Variants in CFAP47 observed in about 807,000 individuals in gnomAD.
CFAP47 encodes cilia and flagella associated protein 47.
A neutral mutation model predicts 148.1 loss-of-function variants in CFAP47; 29 were observed. The observed-to-expected ratio is 0.20, with a 90% confidence interval of 0.15 to 0.27. The LOEUF is 0.27. CFAP47 is among the 10% of genes least tolerant of loss of function. The pLI is 1.00. For synonymous variants in CFAP47, 664 were observed against 577.3 expected (o/e 1.15, Z -2.15); for missense variants, 1,872 against 1,697.5 (o/e 1.10, Z -1.81).
At chrX:35,968,031 C>T (rs190251852) in intron 10 of CFAP47, among the ~76,000 whole-genome samples, 199 bp downstream of exon 10, 26 of 109,801 alleles carry the variant, frequency 2.4e-4, no homozygotes, top group African/African-American at 6.9e-4. Flanking sequence ...TGTTTGTTTT[C>T]GGTTAGAACC....
chrX:36,150,346 C>T (rs932778652), intron 37 of CFAP47, among the ~76,000 whole-genome samples: 3 of 111,948 alleles, frequency 2.7e-5, no homozygotes, highest in African/African-American at 9.7e-5. Context: ...GACATAAATA[C>T]TCTTGTTTAT....
Position 36,228,688 on chromosome X carries a change from C to T in CFAP47, c.6878C>T (p.Pro2293Leu), listed in dbSNP as rs1555991880. ...CTTCCTCTCCAATCTGGACGCTACC[C>T]TTGTAAAATTTTATTGAAATCAAGG... ...QFLPLQSGRY[P>L]CKILLKSRYD... is the part of the protein sequence containing the mutation. The change falls in exon 46 of 64, where the codon CCT becomes CTT. Residue 2293 changes from proline to leucine, a missense_variant. Physicochemically the swap from Pro to Leu is moderately conservative, Grantham distance 98. Coordinates refer to ENST00000378653, the MANE Select transcript of CFAP47 (RefSeq NM_001304548.2). The T allele has an allele frequency of 1.9e-6, 1 of 525,149 alleles. No individual in the cohort carries two copies. The highest frequency in any genetic ancestry group is 3.5e-6 in the Non-Finnish European group (1 of 286,341). 43.3% of individuals were successfully genotyped at this position (525,149 alleles called of 1,213,427 possible).
Position 36,149,228 on chromosome X carries a change from G to C in CFAP47, c.5786+5G>C. On this transcript the variant is annotated splice_donor_5th_base_variant and intron_variant, in intron 37 of 63. Transcript: ENST00000378653. The stretch of plus-strand genomic sequence containing the variant: ...TGTTGTGACAATTTCTCCAAGGTAA[G>C]TATTTTTTTTAATTTTACATTATCA... 3.4e-6 allele frequency: 1 copy of C among 292,813 alleles called. No individual in the cohort carries two copies. The highest frequency in any genetic ancestry group is 6.0e-6 in the Non-Finnish European group (1 of 167,759). 24.1% of individuals were successfully genotyped at this position (292,813 alleles called of 1,213,427 possible).
intron 1 of CFAP47, among the ~76,000 whole-genome samples, chrX:35,924,264 T>C (rs977079708): frequency 9.7e-6 from 1 of 102,621 alleles, no homozygotes; most frequent in African/African-American, 4.1e-5. Flanking sequence ...GACATGTATG[T>C]GTACATGTAT....
Position 35,960,380 on chromosome X carries a change from G to GAAAAAAAA in CFAP47, c.1410+4204_1410+4211dup, listed in dbSNP as rs1188987905. On this transcript the variant is annotated intron_variant, in intron 8 of 63. Coordinates refer to ENST00000378653, the MANE Select transcript of CFAP47 (RefSeq NM_001304548.2). ...CTTTAACATTAGCTTGCTAATTTCTGAAAAAAAAAAAAAAAAAAAAAAAAA... is the reference window on the plus strand; with the variant it reads ...CTTTAACATTAGCTTGCTAATTTCTGAAAAAAAAAAAAAAAAAAAAAAAAAAAAAAAAA... Among the ~76,000 whole-genome samples, 24 of 15,480 alleles carry GAAAAAAAA rather than the reference G, an allele frequency of 1.6e-3. 4 individuals carry two copies. Among genetic ancestry groups the GAAAAAAAA allele is most frequent in the East Asian group, 4.9e-3 (2 of 405 alleles). The allele number at this position is 15,480 out of a possible 115,157, so 13.4% of individuals were successfully genotyped here.
chrX:36,085,309 C>T lies in CFAP47; in HGVS notation c.4692-5C>T, dbSNP rs761346556. 11 of 1,130,728 alleles carry T rather than the reference C, an allele frequency of 9.7e-6. No homozygotes were observed. In the South Asian group the frequency reaches 2.1e-4, roughly 21 times the overall value. The allele number at this position is 1,130,728 out of a possible 1,213,427, so 93.2% of individuals were successfully genotyped here. ...TGTTTTTAATTTTAAGTCTTTTTCT[C>T]ATAGGGATGTATATAAAATGCAATT... On this transcript the variant is annotated splice_polypyrimidine_tract_variant and splice_region_variant and intron_variant, in intron 29 of 63. Transcript: ENST00000378653.
At chrX:36,374,953 C>T in intron 62 of CFAP47, 3 of 522,689 alleles carry the variant, frequency 5.7e-6, no homozygotes, top group Non-Finnish European at 1.0e-5. Flanking sequence ...CACATCAAAT[C>T]TGGGCTGATC....
chrX:36,310,524 C>CAGA (rs1556009738), intron 55 of CFAP47, among the ~76,000 whole-genome samples: 3 of 108,884 alleles, frequency 2.8e-5, no homozygotes, highest in African/African-American at 6.6e-5. Context: ...AAAACTTGAA[C>CAGA]AGAAGTGCCA....
At chrX:36,227,837 T>A (rs1412769598) in intron 45 of CFAP47, among the ~76,000 whole-genome samples, 1 of 112,132 alleles carries the variant, frequency 8.9e-6, no homozygotes, top group African/African-American at 3.2e-5. Flanking sequence ...CATTCTACTT[T>A]AGGGTTGCCA....
At chrX:36,285,311 A>T (rs6629067) in intron 50 of CFAP47, among the ~76,000 whole-genome samples, 39,219 of 110,772 alleles carry the variant, frequency 0.35, 7,716 homozygotes, top group African/African-American at 0.76. Context: ...ATTGGTTATT[A>T]CTTTTTGAAA....
chrX:36,129,537 C>T (rs928401680), intron 33 of CFAP47, among the ~76,000 whole-genome samples: 1 of 111,261 alleles, frequency 9.0e-6, no homozygotes, highest in African/African-American at 3.2e-5. Context: ...ACTACCTTTA[C>T]AAGCAAGATT....
chrX:36,063,852 A>C (rs1937614269), intron 26 of CFAP47, among the ~76,000 whole-genome samples: 1 of 111,968 alleles, frequency 8.9e-6, no homozygotes, highest in African/African-American at 3.2e-5. Flanking sequence ...CAAAATCTCA[A>C]CAGCAACCTA....
At chrX:36,094,513 G>A (rs1938240848) in intron 30 of CFAP47, among the ~76,000 whole-genome samples, 1 of 110,982 alleles carries the variant, frequency 9.0e-6, no homozygotes, top group African/African-American at 3.3e-5. Flanking sequence ...ACATGGAATA[G>A]CTCTCCATTT....
At chrX:36,100,772 T>C (rs1391888035) in intron 32 of CFAP47, among the ~76,000 whole-genome samples, 4 of 112,258 alleles carry the variant, frequency 3.6e-5, no homozygotes. Flanking sequence ...TTTTTTAATA[T>C]TAAATCCTCA....
rs5973566 is a variant in CFAP47 at position 36,054,899 on chromosome X, A to C, written c.4217+7836A>C. Among the ~76,000 whole-genome samples the C allele has an allele frequency of 4.0e-3, 436 of 109,263 alleles. 1 individual carries two copies. The highest frequency in any genetic ancestry group is 0.014 in the African/African-American group (419 of 29,953). 94.9% of individuals were successfully genotyped at this position (109,263 alleles called of 115,157 possible). ...GCCATTCTCCTGCCTCAGCTTCCCG[A>C]GTACCTGGGACTACAGGCGCCCGCC... On this transcript the variant is annotated intron_variant, in intron 26 of 63. Coordinates refer to ENST00000378653, the MANE Select transcript of CFAP47 (RefSeq NM_001304548.2).
intron 26 of CFAP47, among the ~76,000 whole-genome samples, chrX:36,064,528 A>G (rs1245725597): frequency 1.8e-5 from 2 of 112,048 alleles, no homozygotes; most frequent in Admixed American, 1.9e-4. Flanking sequence ...ATATATGTTT[A>G]CCATTAATTT....
chrX:36,310,711 C>A, intron 55 of CFAP47, 122 bp from the exon 56 acceptor site: 2 of 353,997 alleles, frequency 5.6e-6, no homozygotes, highest in Non-Finnish European at 9.5e-6. Context: ...TAAAACAATG[C>A]TTTTTAACAA....
intron 1 of CFAP47, among the ~76,000 whole-genome samples, 168 bp downstream of exon 1, chrX:35,920,216 C>G (rs1316057685): frequency 1.8e-5 from 2 of 111,188 alleles, no homozygotes; most frequent in Non-Finnish European, 3.8e-5. Flanking sequence ...TTTTGTTTCT[C>G]TTTGTTTTCT....
At chrX:35,923,895 G>A (rs868066584) in intron 1 of CFAP47, among the ~76,000 whole-genome samples, 1 of 66,944 alleles carries the variant, frequency 1.5e-5, no homozygotes, top group Admixed American at 1.7e-4. Context: ...ATATATATGT[G>A]TATATATGTA....
Sources: gnomAD v4.1 joint callset for allele counts (sites outside exome capture counted in the v4.1 genomes callset) on GRCh38, gnomAD v4.1.1 for gene constraint, MANE v1.5 for transcripts, NCBI Gene and HGNC (gene_info 2026-07-23, HGNC 2026-07-21) for gene names.